Variants in SKIC2 observed in about 807,000 individuals in gnomAD.
SKIC2 encodes the protein SKI2 subunit of superkiller complex.
the SKIC2 span, chr6:31,962,520 G>C: frequency 6.2e-7 from 1 of 1,614,134 alleles, no homozygotes; most frequent in South Asian, 1.1e-5. This position sits in a 1 kb window ranked among gnomAD's most constrained non-coding sequence, Gnocchi z 5.0. Flanking sequence ...ATGTGGGGCT[G>C]CTCACCGGGG....
At chr6:31,962,296 G>T in the SKIC2 span, 1 of 1,012,698 alleles carries the variant, frequency 9.9e-7, no homozygotes, top group Non-Finnish European at 1.5e-6. This position sits in a 1 kb window ranked among gnomAD's most constrained non-coding sequence, Gnocchi z 5.0. Flanking sequence ...GTTATATCAT[G>T]CAGGAGAATG....
At chr6:31,961,879 T>A in the SKIC2 span, 1 of 1,610,910 alleles carries the variant, frequency 6.2e-7, no homozygotes, top group Non-Finnish European at 8.5e-7. Context: ...GCTCCTTTCT[T>A]CAGCTCCTGT....
chr6:31,961,521 A>G, the SKIC2 span: 2 of 1,572,164 alleles, frequency 1.3e-6, no homozygotes, highest in Non-Finnish European at 1.7e-6. Flanking sequence ...TTGTATCTTT[A>G]TCACTGCTAC....
the SKIC2 span, chr6:31,960,199 A>C: frequency 6.2e-7 from 1 of 1,611,192 alleles, no homozygotes; most frequent in South Asian, 1.1e-5. Context: ...AAGACCCAAA[A>C]GTTACTATTT....
the SKIC2 span, chr6:31,960,526 C>T: frequency 1.2e-6 from 2 of 1,612,796 alleles, no homozygotes; most frequent in Non-Finnish European, 1.7e-6. Flanking sequence ...GGAAATCCAA[C>T]TCAGTATCCC....
At chr6:31,960,323 C>T in the SKIC2 span, 1 of 1,613,286 alleles carries the variant, frequency 6.2e-7, no homozygotes, top group Non-Finnish European at 8.5e-7. Context: ...AGGCCAGATA[C>T]TGGGTTACAA....
At chr6:31,960,335 G>A in the SKIC2 span, 1 of 1,612,472 alleles carries the variant, frequency 6.2e-7, no homozygotes, top group Admixed American at 1.7e-5. Context: ...GGGTTACAAA[G>A]AGGTAGGAGG....
the SKIC2 span, chr6:31,966,814 T>G: frequency 6.2e-7 from 1 of 1,614,168 alleles, no homozygotes; most frequent in Non-Finnish European, 8.5e-7. This position sits in a 1 kb window ranked among gnomAD's most constrained non-coding sequence, Gnocchi z 5.9. Context: ...GAAGAGGAGC[T>G]TCTCTGAGTT....
the SKIC2 span, chr6:31,961,626 C>G: frequency 6.2e-7 from 1 of 1,613,060 alleles, no homozygotes; most frequent in Middle Eastern, 1.7e-4. Flanking sequence ...GTGGACGCCA[C>G]CTCCCCTGTT....
the SKIC2 span, chr6:31,964,227 CA>C: frequency 6.2e-7 from 1 of 1,612,628 alleles, no homozygotes; most frequent in Non-Finnish European, 8.5e-7. This position sits in a 1 kb window ranked among gnomAD's most constrained non-coding sequence, Gnocchi z 5.0. Flanking sequence ...CTCCTCCCAC[CA>C]AAGGTCCTGC....
the SKIC2 span, chr6:31,962,745 C>T: frequency 1.4e-5 from 22 of 1,612,674 alleles, no homozygotes; most frequent in Admixed American, 3.3e-5. This position sits in a 1 kb window ranked among gnomAD's most constrained non-coding sequence, Gnocchi z 5.0. Flanking sequence ...AGATGTTATT[C>T]GGGACCTGGA....
At chr6:31,967,673 C>T in the SKIC2 span, 4 of 1,606,352 alleles carry the variant, frequency 2.5e-6, no homozygotes, top group Non-Finnish European at 3.4e-6. The surrounding 1 kb of genome is among the most constrained non-coding windows in gnomAD (Gnocchi z 4.9). Context: ...TTGATGTCTA[C>T]TCATCACACC....
At chr6:31,962,542 C>T in the SKIC2 span, 1 of 1,614,050 alleles carries the variant, frequency 6.2e-7, no homozygotes, top group Non-Finnish European at 8.5e-7. This position sits in a 1 kb window ranked among gnomAD's most constrained non-coding sequence, Gnocchi z 5.0. Flanking sequence ...TGTACAGCTG[C>T]ATCCGGAGGC....
the SKIC2 span, chr6:31,961,849 G>A: frequency 6.3e-6 from 10 of 1,596,860 alleles, no homozygotes; most frequent in African/African-American, 9.4e-5. Flanking sequence ...TGCTCCATGA[G>A]CAGGAGGCAG....
the SKIC2 span, chr6:31,968,174 G>C: frequency 1.9e-6 from 3 of 1,554,630 alleles, no homozygotes; most frequent in Non-Finnish European, 2.6e-6. This position sits in a 1 kb window ranked among gnomAD's most constrained non-coding sequence, Gnocchi z 6.1. Context: ...GCCTGAGGGA[G>C]ACCATGAAGT....
chr6:31,968,942 G>A, the SKIC2 span: 325 of 1,612,982 alleles, frequency 2.0e-4, no homozygotes, highest in African/African-American at 1.6e-3. The surrounding 1 kb of genome is among the most constrained non-coding windows in gnomAD (Gnocchi z 6.1). Context: ...CTTGTGCCAT[G>A]AGCAGCCATG....
the SKIC2 span, chr6:31,963,675 G>C: frequency 6.4e-7 from 1 of 1,556,714 alleles, no homozygotes; most frequent in African/African-American, 1.4e-5. This position sits in a 1 kb window ranked among gnomAD's most constrained non-coding sequence, Gnocchi z 5.3. Flanking sequence ...GAGAGAATGA[G>C]CAAACACGCC....
chr6:31,964,110 C>G, the SKIC2 span: 1 of 1,612,606 alleles, frequency 6.2e-7, no homozygotes, highest in South Asian at 1.1e-5. The surrounding 1 kb of genome is among the most constrained non-coding windows in gnomAD (Gnocchi z 5.0). Flanking sequence ...GTGGCTCTGA[C>G]CGCCAGCTGC....
the SKIC2 span, chr6:31,968,394 C>T: frequency 2.5e-6 from 4 of 1,612,980 alleles, no homozygotes; most frequent in South Asian, 3.3e-5. The surrounding 1 kb of genome is among the most constrained non-coding windows in gnomAD (Gnocchi z 6.1). Flanking sequence ...CTCAGGCCCA[C>T]CCAGCCGGAC....
Sources: gnomAD v4.1 joint callset for allele counts on GRCh38, gnomAD v4.1.1 for gene constraint, Gnocchi (gnomAD v3.1) non-coding constraint, MANE v1.5 for transcripts, NCBI Gene and HGNC (gene_info 2026-07-23, HGNC 2026-07-21) for gene names.